Variants in ANK2 observed in about 807,000 individuals in gnomAD.
ANK2 encodes ankyrin-2.
ANK2 carries 83 observed loss-of-function variants against 360.5 expected under a neutral mutation model. The observed-to-expected ratio is 0.23, with a 90% confidence interval of 0.19 to 0.28. ANK2 has a LOEUF of 0.28. Ranked by LOEUF, ANK2 falls within the 10% of genes least tolerant of loss-of-function variation. ANK2 has a pLI of 1.00. For synonymous variants in ANK2, 1,740 were observed against 1,759.5 expected (o/e 0.99, Z 0.28); for missense variants, 4,201 against 4,795.7 (o/e 0.88, Z 3.66).
At chr4:112,979,294 C>T (rs1415577801) in intron 2 of ANK2, among the ~76,000 whole-genome samples, 6 of 152,194 alleles carry the variant, frequency 3.9e-5, no homozygotes, top group African/African-American at 9.6e-5. Flanking sequence ...CAGGTGCCAG[C>T]TCCATGCGAG....
At chr4:113,204,196 G>A (rs1375417803) in intron 4 of ANK2, among the ~76,000 whole-genome samples, 2 of 151,832 alleles carry the variant, frequency 1.3e-5, no homozygotes, top group African/African-American at 4.8e-5. Flanking sequence ...TCTAAATAAA[G>A]CAAAATTGTC....
intron 1 of ANK2, among the ~76,000 whole-genome samples, chr4:113,134,281 CTTTTTTTTTTTT>C (rs5861124): frequency 4.6e-5 from 4 of 86,094 alleles, no homozygotes; most frequent in African/African-American, 9.0e-5. Flanking sequence ...TGAAAGTTGT[CTTTTTTTTTTTT>C]TTTTTTTTTT....
In ANK2 at chr4:113,334,849, A is replaced by G. The variant is rs891825728; in HGVS notation, c.3380-997A>G. Among the ~76,000 whole-genome samples the G allele has an allele frequency of 1.6e-4, 24 of 150,778 alleles. No individual in the cohort carries two copies. The South Asian group carries it at 4.0e-3, about 25-fold the overall frequency. ...TACTAGAAAGTTAATAGATTAATTAATCTATTACTAGAAAGTTAAAGATTT... is the reference window on the plus strand; with the variant it reads ...TACTAGAAAGTTAATAGATTAATTAGTCTATTACTAGAAAGTTAAAGATTT... On this transcript the variant is annotated intron_variant, in intron 29 of 45. Transcript: ENST00000357077.
chr4:113,353,392 T>A lies in ANK2; in HGVS notation c.4774T>A (p.Trp1592Arg). Residue 1592 changes from tryptophan to arginine, a missense_variant, in exon 38 of 46, where the codon TGG (tryptophan) becomes AGG (arginine). Coordinates refer to ENST00000357077, the MANE Select transcript of ANK2 (RefSeq NM_001148.6). ...TGAGAGAGGATTAGTTGAAGAGGAA[T>A]GGGTTATTGTCAGTGATGAGGAAAT... ...RSERGLVEEE[W>R]VIVSDEEIEE... 3 of 1,614,042 alleles carry A rather than the reference T, an allele frequency of 1.9e-6. No individual in the cohort carries two copies. The highest frequency in any genetic ancestry group is 2.5e-6 in the Non-Finnish European group (3 of 1,179,968).
At chr4:113,204,252 G>A (rs1379230910) in intron 4 of ANK2, among the ~76,000 whole-genome samples, 1 of 151,784 alleles carries the variant, frequency 6.6e-6, no homozygotes, top group Non-Finnish European at 1.5e-5. Flanking sequence ...TTTATATAAT[G>A]TATATTTTTA....
chr4:113,246,869 A>G (rs1241520000), intron 9 of ANK2, among the ~76,000 whole-genome samples: 1 of 152,232 alleles, frequency 6.6e-6, no homozygotes, highest in Admixed American at 6.5e-5. Context: ...TGTTGAGAAT[A>G]TATGGAGGTC....
intron 2 of ANK2, among the ~76,000 whole-genome samples, chr4:112,978,344 A>G (rs991702024): frequency 6.6e-6 from 1 of 152,234 alleles, no homozygotes; most frequent in Non-Finnish European, 1.5e-5. Flanking sequence ...TATCATAGTA[A>G]GATATACTTA....
upstream of ANK2, among the ~76,000 whole-genome samples, chr4:113,048,272 ATATATTTTTTTTTTTTT>A (rs1373726471): frequency 2.1e-5 from 1 of 48,010 alleles, no homozygotes; most frequent in Non-Finnish European, 3.5e-5. Flanking sequence ...ATATATATAT[ATATATTTTTTTTTTTTT>A]TTTTTTTTTT....
the ANK2 span, among the ~76,000 whole-genome samples, chr4:112,760,499 TTC>T: frequency 4.1e-3 from 629 of 151,612 alleles, 2 homozygotes; most frequent in Non-Finnish European, 6.7e-3. Context: ...AAATTCCATA[TTC>T]TTTTTTTTTT....
At chr4:112,899,166 A>T (rs1390729912) in intron 1 of ANK2, among the ~76,000 whole-genome samples, 2 of 152,212 alleles carry the variant, frequency 1.3e-5, no homozygotes, top group Non-Finnish European at 1.5e-5. Flanking sequence ...AAAGACTTGA[A>T]TATCTTTATG....
At chr4:112,938,939 T>C (rs778326536) in intron 2 of ANK2, among the ~76,000 whole-genome samples, 1 of 152,232 alleles carries the variant, frequency 6.6e-6, no homozygotes, top group Non-Finnish European at 1.5e-5. Flanking sequence ...AGGAACTCAG[T>C]GAATTAATGT....
At chr4:112,861,474 G>A (rs1015667933) in intron 1 of ANK2, among the ~76,000 whole-genome samples, 2 of 152,102 alleles carry the variant, frequency 1.3e-5, no homozygotes, top group East Asian at 1.9e-4. Flanking sequence ...CTTACTACAG[G>A]CGTGCTAGTA....
At chr4:112,707,026 C>G in the ANK2 span, among the ~76,000 whole-genome samples, 4 of 152,090 alleles carry the variant, frequency 2.6e-5, no homozygotes, top group Non-Finnish European at 4.4e-5. Flanking sequence ...ACAGTAGTAG[C>G]GATTGTGCAC....
At chr4:112,833,452 C>T (rs1208687362) in intron 1 of ANK2, among the ~76,000 whole-genome samples, 2 of 151,738 alleles carry the variant, frequency 1.3e-5, no homozygotes, top group Non-Finnish European at 2.9e-5. Flanking sequence ...TTTGATGATA[C>T]GTGATGCACC....
chr4:113,296,628 G>A (rs1005883193), intron 22 of ANK2, among the ~76,000 whole-genome samples: 2 of 152,182 alleles, frequency 1.3e-5, no homozygotes, highest in Admixed American at 6.5e-5. Context: ...TTTTGGAATC[G>A]TAGTTTGTTT....
the ANK2 span, among the ~76,000 whole-genome samples, chr4:112,734,913 A>G: frequency 6.6e-6 from 1 of 152,280 alleles, no homozygotes; most frequent in East Asian, 1.9e-4. Flanking sequence ...AGTGTCTTAG[A>G]TTGCATTACA....
At chr4:113,242,260 C>T in intron 9 of ANK2, 51 bp downstream of exon 9, 1 of 1,523,968 alleles carries the variant, frequency 6.6e-7, no homozygotes. Context: ...TCTTTCAAGC[C>T]TCATAGAAGG....
intron 1 of ANK2, among the ~76,000 whole-genome samples, chr4:112,844,238 G>T (rs933007074): frequency 6.6e-5 from 10 of 152,154 alleles, no homozygotes; most frequent in Non-Finnish European, 8.8e-5. Context: ...TGTGAAGAGG[G>T]CCTTAGCCTT....
intron 22 of ANK2, among the ~76,000 whole-genome samples, chr4:113,294,635 G>A (rs1296316814): frequency 2.0e-5 from 3 of 152,226 alleles, no homozygotes; most frequent in Non-Finnish European, 4.4e-5. Context: ...GCAGTTTTAA[G>A]CAGAGTGGCC....
Sources: allele counts gnomAD v4.1 joint callset (sites outside exome capture counted in the v4.1 genomes callset), GRCh38; gene constraint gnomAD v4.1.1; transcripts MANE v1.5; gene names NCBI Gene and HGNC (gene_info 2026-07-23, HGNC 2026-07-21).